Variants in LRP1B observed in about 807,000 individuals in gnomAD.
The protein encoded by LRP1B is LDL receptor related protein 1B.
A neutral mutation model predicts 556.6 loss-of-function variants in LRP1B; 217 were observed. That is an observed-to-expected ratio of 0.39 (90% CI 0.35 to 0.44). LRP1B has a LOEUF of 0.44. Among genes scored for constraint, LRP1B ranks in the 20% least tolerant of loss-of-function variants. The probability of loss-of-function intolerance (pLI) is 1.00; values close to 1 mark genes in which losing one functional copy is unlikely to be tolerated. For synonymous variants in LRP1B, 2,047 were observed against 1,865.8 expected (o/e 1.10, Z -2.50); for missense variants, 5,053 against 5,620.8 (o/e 0.90, Z 3.23).
intron 11 of LRP1B, among the ~76,000 whole-genome samples, chr2:141,044,547 C>G (rs1183269922): frequency 1.3e-5 from 2 of 149,528 alleles, no homozygotes; most frequent in African/African-American, 4.9e-5. Context: ...TATCCAGAAT[C>G]TACAATGAAC....
At chr2:140,506,313 C>T (rs746938711) in intron 53 of LRP1B, among the ~76,000 whole-genome samples, 17 of 145,244 alleles carry the variant, frequency 1.2e-4, no homozygotes, top group Non-Finnish European at 2.0e-4. Context: ...GGCATGATCT[C>T]GGCTCACTGC....
chr2:141,600,247 T>TA (rs1211746497), intron 2 of LRP1B, among the ~76,000 whole-genome samples: 1 of 152,074 alleles, frequency 6.6e-6, no homozygotes, highest in African/African-American at 2.4e-5. Flanking sequence ...GAGCTTTTTT[T>TA]AAAAAAATGC....
intron 59 of LRP1B, among the ~76,000 whole-genome samples, chr2:140,480,594 C>T (rs1206465265): frequency 6.6e-6 from 1 of 151,030 alleles, no homozygotes; most frequent in African/African-American, 2.4e-5. Context: ...GCCCGTGCCA[C>T]CAAGCCCGGC....
chr2:141,870,397 T>C (rs1163309889), intron 1 of LRP1B, among the ~76,000 whole-genome samples: 2 of 151,868 alleles, frequency 1.3e-5, no homozygotes, highest in African/African-American at 4.8e-5. Context: ...TTTCAATAAG[T>C]TCAATGGTTA....
In LRP1B at chr2:140,517,156, G is replaced by A. The variant is rs1689941284; in HGVS notation, c.8027-145C>T. ...AAGATTTTCTCCTAAAGAATGTCAAGGTTATGAAAATAAAGGAAAGATTCA... is the reference window on the plus strand; with the variant it reads ...AAGATTTTCTCCTAAAGAATGTCAAAGTTATGAAAATAAAGGAAAGATTCA... On this transcript the variant is annotated intron_variant, in intron 49 of 90. Transcript: ENST00000389484. The A allele has an allele frequency of 4.8e-6, 3 of 628,998 alleles. No homozygotes were observed. In the South Asian group the frequency reaches 6.1e-5, roughly 13 times the overall value. 39.0% of individuals were successfully genotyped at this position (628,998 alleles called of 1,614,324 possible).
At chr2:140,233,428 T>G in intron 90 of LRP1B, 102 bp from the exon 91 acceptor site, 1 of 687,946 alleles carries the variant, frequency 1.5e-6, no homozygotes, top group South Asian at 2.8e-5. Flanking sequence ...AATATTTATA[T>G]GCAATACATT....
chr2:141,148,979 C>T (rs1432603334), intron 7 of LRP1B, among the ~76,000 whole-genome samples: 1 of 152,022 alleles, frequency 6.6e-6, no homozygotes, highest in African/African-American at 2.4e-5. Context: ...CTCCCAGCTA[C>T]TCGGGAGGCT....
At chr2:141,108,711 A>G (rs150804997) in intron 7 of LRP1B, among the ~76,000 whole-genome samples, 60 of 152,256 alleles carry the variant, frequency 3.9e-4, no homozygotes, top group African/African-American at 1.4e-3. Context: ...TCAGTCTAAT[A>G]CCATTGAATG....
intron 83 of LRP1B, among the ~76,000 whole-genome samples, chr2:140,313,579 C>T (rs941991050): frequency 6.6e-6 from 1 of 151,776 alleles, no homozygotes; most frequent in African/African-American, 2.4e-5. Context: ...GCTATAACAC[C>T]ATGGTTTTCA....
chr2:141,782,344 C>T (rs897687470), intron 2 of LRP1B, among the ~76,000 whole-genome samples: 2 of 151,900 alleles, frequency 1.3e-5, no homozygotes, highest in Admixed American at 6.6e-5. Flanking sequence ...CAGATTCATT[C>T]CCAATTAATA....
At chr2:141,979,186 T>C (rs1004146691) in intron 1 of LRP1B, among the ~76,000 whole-genome samples, 1 of 152,092 alleles carries the variant, frequency 6.6e-6, no homozygotes, top group Non-Finnish European at 1.5e-5. Context: ...TTATATTTCT[T>C]TAAATCTGGA....
chr2:141,197,548 C>G (rs1479966627), intron 6 of LRP1B, among the ~76,000 whole-genome samples: 1 of 151,970 alleles, frequency 6.6e-6, no homozygotes, highest in African/African-American at 2.4e-5. Context: ...GATATAAATA[C>G]TTGTTTCATC....
At chr2:142,037,440 A>G (rs1176301462) in intron 1 of LRP1B, among the ~76,000 whole-genome samples, 2 of 151,686 alleles carry the variant, frequency 1.3e-5, no homozygotes, top group Middle Eastern at 3.2e-3. Context: ...AAGCAGGATA[A>G]TAAGTTTATA....
intron 35 of LRP1B, among the ~76,000 whole-genome samples, chr2:140,752,449 T>G (rs1688614431): frequency 6.6e-6 from 1 of 151,746 alleles, no homozygotes; most frequent in Admixed American, 6.6e-5. Context: ...CTCAGCCTCC[T>G]GAGTAGCTGG....
At chr2:141,664,895 C>T (rs1044964237) in intron 2 of LRP1B, among the ~76,000 whole-genome samples, 17 of 152,046 alleles carry the variant, frequency 1.1e-4, no homozygotes, top group African/African-American at 4.1e-4. Context: ...GCCTGTCTGC[C>T]CAAGAAATCC....
chr2:141,201,234 T>C (rs1682001332), intron 6 of LRP1B, among the ~76,000 whole-genome samples: 1 of 152,158 alleles, frequency 6.6e-6, no homozygotes, highest in Admixed American at 6.6e-5. Flanking sequence ...TAAAAATGGC[T>C]AAGAAAGCAA....
intron 32 of LRP1B, among the ~76,000 whole-genome samples, chr2:140,800,142 G>T (rs542167164): frequency 6.6e-6 from 1 of 152,070 alleles, no homozygotes; most frequent in Non-Finnish European, 1.5e-5. Context: ...GCAAACTATC[G>T]CAGGGACAAA....
At chr2:140,982,346 A>C (rs1415434488) in intron 17 of LRP1B, 70 bp from the exon 18 acceptor site, 15 of 914,784 alleles carry the variant, frequency 1.6e-5, no homozygotes, top group Non-Finnish European at 2.7e-5. Flanking sequence ...ATAATTAAGC[A>C]TGCAATATTC....
intron 7 of LRP1B, among the ~76,000 whole-genome samples, chr2:141,185,555 A>G (rs1023445708): frequency 2.0e-5 from 3 of 151,914 alleles, no homozygotes; most frequent in Non-Finnish European, 2.9e-5. Context: ...AAAAATCTAA[A>G]ATTAAAAACA....
Sources: gnomAD v4.1 joint callset for allele counts (sites outside exome capture counted in the v4.1 genomes callset) on GRCh38, gnomAD v4.1.1 for gene constraint, MANE v1.5 for transcripts, NCBI Gene and HGNC (gene_info 2026-07-23, HGNC 2026-07-21) for gene names.